The following GRIK2 variants were observed in gnomAD, a reference collection of about 807,000 sequenced individuals.
GRIK2 encodes glutamate ionotropic receptor kainate type subunit 2.
GRIK2 carries 32 observed loss-of-function variants against 100.3 expected under a neutral mutation model. That is an observed-to-expected ratio of 0.32 (90% CI 0.24 to 0.43). GRIK2 has a LOEUF of 0.43. Ranked by LOEUF, GRIK2 falls within the 20% of genes least tolerant of loss-of-function variation. GRIK2 has a pLI of 1.00. For synonymous variants in GRIK2, 417 were observed against 389.4 expected (o/e 1.07, Z -0.83); for missense variants, 843 against 1,114.9 (o/e 0.76, Z 3.47).
rs193291828 is a variant in GRIK2 at position 102,063,838 on chromosome 6, C to T, written c.2563-4509C>T. ...CAAGATTTCCAGATCTACATTGTTT[C>T]AAGAATTAGAGATGTGTAAATATAA... On this transcript the variant is annotated intron_variant, in intron 16 of 16. Transcript: ENST00000369134. The T allele has an allele frequency of 6.0e-5, 31 of 518,496 alleles. No homozygotes were observed. The East Asian group carries it at 9.5e-4, about 16-fold the overall frequency. The allele number at this position is 518,496 out of a possible 1,614,324, so 32.1% of individuals were successfully genotyped here. A position where few individuals can be genotyped will look rare whatever the true frequency, so the allele number is the denominator to read the frequency against.
chr6:101,741,570 A>C (rs778971585), intron 7 of GRIK2, among the ~76,000 whole-genome samples: 3 of 152,188 alleles, frequency 2.0e-5, no homozygotes, highest in Non-Finnish European at 4.4e-5. Flanking sequence ...TTAAAAGGGC[A>C]TCAGTGGAAA....
intron 1 of GRIK2, among the ~76,000 whole-genome samples, chr6:101,395,234 T>C (rs888800798): frequency 1.3e-5 from 2 of 152,196 alleles, no homozygotes; most frequent in Admixed American, 1.3e-4. Flanking sequence ...AAACAGGCTG[T>C]TTGTTTTAGC....
chr6:101,432,939 C>T (rs972684089), intron 2 of GRIK2, among the ~76,000 whole-genome samples: 1 of 151,990 alleles, frequency 6.6e-6, no homozygotes, highest in Non-Finnish European at 1.5e-5. Context: ...CCTTTCCAGA[C>T]TCTGTAATTT....
chr6:101,480,525 C>G (rs1223845286), intron 2 of GRIK2, among the ~76,000 whole-genome samples: 1 of 152,080 alleles, frequency 6.6e-6, no homozygotes, highest in African/African-American at 2.4e-5. Context: ...CTCACTGTTG[C>G]TTTGTTGCTT....
chr6:101,602,152 T>C (rs1779244502), intron 2 of GRIK2, among the ~76,000 whole-genome samples: 1 of 151,732 alleles, frequency 6.6e-6, no homozygotes, highest in Non-Finnish European at 1.5e-5. Flanking sequence ...AAGAATATTT[T>C]GTTCTCTCCC....
At chr6:101,582,493 A>G (rs965947793) in intron 2 of GRIK2, among the ~76,000 whole-genome samples, 1 of 152,130 alleles carries the variant, frequency 6.6e-6, no homozygotes, top group African/African-American at 2.4e-5. Flanking sequence ...TTCTGCCATG[A>G]TTGTAAGTTT....
intron 4 of GRIK2, among the ~76,000 whole-genome samples, chr6:101,645,630 C>G (rs571708250): frequency 6.6e-6 from 1 of 151,862 alleles, no homozygotes; most frequent in South Asian, 2.1e-4. Flanking sequence ...CTCCCTTAAG[C>G]AAGTGTATGC....
chr6:102,002,843 G>T (rs547512979), intron 14 of GRIK2, among the ~76,000 whole-genome samples: 2 of 150,384 alleles, frequency 1.3e-5, no homozygotes, highest in South Asian at 2.1e-4. Flanking sequence ...ATATAAAAAG[G>T]CTACATTTTT....
At chr6:101,795,067 ATGT>A (rs2128410880) in intron 7 of GRIK2, among the ~76,000 whole-genome samples, 1 of 151,982 alleles carries the variant, frequency 6.6e-6, no homozygotes, top group African/African-American at 2.4e-5. Context: ...AGGTTTCATC[ATGT>A]TGTTTAGGCT....
chr6:101,971,029 T>C (rs1257020056), intron 14 of GRIK2, among the ~76,000 whole-genome samples: 1 of 150,934 alleles, frequency 6.6e-6, no homozygotes, highest in Non-Finnish European at 1.5e-5. Flanking sequence ...ATAGTATTTA[T>C]CACTGCATTC....
intron 2 of GRIK2, among the ~76,000 whole-genome samples, chr6:101,400,148 A>G (rs1365702142): frequency 1.3e-5 from 2 of 152,024 alleles, no homozygotes; most frequent in African/African-American, 4.8e-5. Flanking sequence ...GGCGGTGGGG[A>G]AGAGTAGTTG....
At chr6:102,052,528 G>A (rs1166042104) in intron 15 of GRIK2, among the ~76,000 whole-genome samples, 1 of 152,126 alleles carries the variant, frequency 6.6e-6, no homozygotes, top group African/African-American at 2.4e-5. Context: ...TGAAAAGTAG[G>A]TTGCTTTTGT....
At position 101,685,608 on chromosome 6, in the gene GRIK2, T is replaced by C. The variant is rs1013495752; in HGVS notation, c.778-572T>C. Among the ~76,000 whole-genome samples the C allele has an allele frequency of 6.6e-5, 10 of 152,242 alleles. No individual in the cohort carries two copies. In the South Asian group the frequency reaches 1.7e-3, roughly 25 times the overall value. Reference sequence around the variant, plus strand: ...GCATAAAGTGTTTATTGGAAACTTATAGTGAAGTTCCTAGGTGTGAGACAT... The same window carrying C: ...GCATAAAGTGTTTATTGGAAACTTACAGTGAAGTTCCTAGGTGTGAGACAT... On this transcript the variant is annotated intron_variant, in intron 6 of 16. Transcript: ENST00000369134.
At chr6:101,787,338 C>CAA (rs1779497448) in intron 7 of GRIK2, among the ~76,000 whole-genome samples, 1 of 150,420 alleles carries the variant, frequency 6.6e-6, no homozygotes, top group Non-Finnish European at 1.5e-5. Context: ...TTTTTTTCTT[C>CAA]TACTAATACT....
At chr6:101,718,400 C>G (rs1389826349) in intron 7 of GRIK2, among the ~76,000 whole-genome samples, 2 of 151,760 alleles carry the variant, frequency 1.3e-5, no homozygotes, top group African/African-American at 4.8e-5. Flanking sequence ...TATCACATAT[C>G]AGAGAAAAGG....
At chr6:101,655,965 G>A (rs1277454255) in intron 4 of GRIK2, among the ~76,000 whole-genome samples, 1 of 151,894 alleles carries the variant, frequency 6.6e-6, no homozygotes, top group African/African-American at 2.4e-5. Flanking sequence ...AATTAAGTTA[G>A]TTGATTTACG....
At chr6:102,028,520 T>G (rs1438905363) in intron 14 of GRIK2, among the ~76,000 whole-genome samples, 1 of 151,222 alleles carries the variant, frequency 6.6e-6, no homozygotes, top group East Asian at 1.9e-4. Flanking sequence ...AGAAATACAT[T>G]CTAGTATTTT....
chr6:102,001,529 C>A (rs1378103625), intron 14 of GRIK2, among the ~76,000 whole-genome samples: 2 of 151,818 alleles, frequency 1.3e-5, no homozygotes, highest in Admixed American at 6.6e-5. Flanking sequence ...CTGCAAAGGA[C>A]ATGAACTCAT....
intron 2 of GRIK2, among the ~76,000 whole-genome samples, chr6:101,443,761 G>C (rs1187050791): frequency 6.6e-6 from 1 of 151,892 alleles, no homozygotes; most frequent in Non-Finnish European, 1.5e-5. Context: ...ACTTACTCTA[G>C]AAATAAGAAT....
Sources: gnomAD v4.1 joint callset for allele counts (sites outside exome capture counted in the v4.1 genomes callset) on GRCh38, gnomAD v4.1.1 for gene constraint, MANE v1.5 for transcripts, NCBI Gene and HGNC (gene_info 2026-07-23, HGNC 2026-07-21) for gene names.